ADGRL3: variants seen among roughly 807,000 people sequenced by gnomAD.
ADGRL3 encodes calcium-independent alpha-latrotoxin receptor 3.
In ADGRL3, 62 loss-of-function variants were observed where a neutral mutation model predicts 153.5. The ratio of observed to expected loss-of-function variants is 0.40; its 90% CI spans 0.33 to 0.50. ADGRL3 has a LOEUF of 0.50. Among genes scored for constraint, ADGRL3 ranks in the 20% least tolerant of loss-of-function variants. ADGRL3 has a pLI of 0.47. For missense variants in ADGRL3, 1,641 were observed against 1,859.4 expected (o/e 0.88, Z 2.16); for synonymous variants, 710 against 672.5 (o/e 1.06, Z -0.86).
At chr4:61,342,333 A>C (rs1472051840) in intron 1 of ADGRL3, among the ~76,000 whole-genome samples, 2 of 152,200 alleles carry the variant, frequency 1.3e-5, no homozygotes, top group Non-Finnish European at 2.9e-5. Flanking sequence ...TTTATAGTCT[A>C]TAAACATTGT....
intron 1 of ADGRL3, among the ~76,000 whole-genome samples, chr4:61,237,600 A>G (rs1468170191): frequency 2.0e-5 from 3 of 152,216 alleles, no homozygotes; most frequent in African/African-American, 7.2e-5. Context: ...GATAAGGACC[A>G]TAAAAGATAG....
intron 8 of ADGRL3, among the ~76,000 whole-genome samples, chr4:61,803,528 T>C (rs1286465571): frequency 6.6e-6 from 1 of 152,146 alleles, no homozygotes; most frequent in African/African-American, 2.4e-5. Flanking sequence ...TCACTCACTC[T>C]TTCTTTGCTT....
At chr4:61,412,996 T>G (rs2097105148) in intron 2 of ADGRL3, among the ~76,000 whole-genome samples, 1 of 152,218 alleles carries the variant, frequency 6.6e-6, no homozygotes, top group African/African-American at 2.4e-5. Context: ...AGTTGAAAAC[T>G]GGATGATCTG....
intron 15 of ADGRL3, among the ~76,000 whole-genome samples, chr4:61,939,960 AG>A (rs2098874805): frequency 6.6e-6 from 1 of 150,686 alleles, no homozygotes; most frequent in African/African-American, 2.4e-5. Context: ...TCTAAGTTTT[AG>A]GGTACATGTG....
intron 23 of ADGRL3, among the ~76,000 whole-genome samples, chr4:62,032,325 C>CT (rs1560530564): frequency 1.3e-5 from 2 of 151,290 alleles, no homozygotes; most frequent in African/African-American, 4.8e-5. Flanking sequence ...ATTTTTATTA[C>CT]TTTTTTTAAA....
intron 1 of ADGRL3, among the ~76,000 whole-genome samples, chr4:61,350,751 A>G (rs550291069): frequency 2.6e-5 from 4 of 152,294 alleles, no homozygotes; most frequent in South Asian, 2.1e-4. Context: ...CTGTGCCCAT[A>G]AAACACAGCA....
At chr4:61,614,084 A>G (rs958653191) in intron 5 of ADGRL3, among the ~76,000 whole-genome samples, 1 of 152,176 alleles carries the variant, frequency 6.6e-6, no homozygotes, top group Non-Finnish European at 1.5e-5. Flanking sequence ...TACAATATCT[A>G]TAGCTCAAAA....
chr4:61,289,800 A>G (rs2094101247), intron 1 of ADGRL3, among the ~76,000 whole-genome samples: 1 of 152,198 alleles, frequency 6.6e-6, no homozygotes, highest in African/African-American at 2.4e-5. Flanking sequence ...TAAAGGCAGA[A>G]TGTCTAGGCA....
intron 1 of ADGRL3, among the ~76,000 whole-genome samples, chr4:61,295,517 C>T (rs928714159): frequency 6.6e-5 from 10 of 151,946 alleles, no homozygotes; most frequent in African/African-American, 2.4e-4. Context: ...AGAGATCTAG[C>T]AAATATCAAA....
intron 17 of ADGRL3, among the ~76,000 whole-genome samples, chr4:61,970,504 C>T (rs1446962380): frequency 1.3e-5 from 2 of 151,704 alleles, no homozygotes; most frequent in African/African-American, 4.8e-5. Context: ...GCAAGAAGAT[C>T]GCCAATAACT....
At chr4:61,724,598 C>G (rs2151697377) in intron 6 of ADGRL3, among the ~76,000 whole-genome samples, 1 of 152,258 alleles carries the variant, frequency 6.6e-6, no homozygotes, top group East Asian at 1.9e-4. Flanking sequence ...TTGAGCAGCA[C>G]TTTTATTCAG....
At chr4:61,747,659 C>T (rs558311364) in intron 8 of ADGRL3, among the ~76,000 whole-genome samples, 1 of 144,122 alleles carries the variant, frequency 6.9e-6, no homozygotes, top group Non-Finnish European at 1.5e-5. Flanking sequence ...ATTCAACAAC[C>T]CTTCATGCTA....
intron 1 of ADGRL3, among the ~76,000 whole-genome samples, chr4:61,251,877 T>TA (rs1366900903): frequency 1.4e-5 from 2 of 146,750 alleles, no homozygotes; most frequent in South Asian, 2.1e-4. Flanking sequence ...CTTTTTTTTT[T>TA]TAATTTTTTT....
At chr4:61,257,836 G>GGTGTGTGTGTGT (rs10635406) in intron 1 of ADGRL3, among the ~76,000 whole-genome samples, 3 of 150,528 alleles carry the variant, frequency 2.0e-5, no homozygotes, top group Non-Finnish European at 3.0e-5. Flanking sequence ...TTGAATTAGA[G>GGTGTGTGTGTGT]GTGTGTGTGT....
chr4:61,234,879 A>G (rs970133244), intron 1 of ADGRL3, among the ~76,000 whole-genome samples: 9 of 152,272 alleles, frequency 5.9e-5, no homozygotes, highest in African/African-American at 2.2e-4. Flanking sequence ...GCAAATAAGA[A>G]TCATAGACAG....
At chr4:62,009,795 A>G (rs909248363) in intron 21 of ADGRL3, among the ~76,000 whole-genome samples, 7 of 151,986 alleles carry the variant, frequency 4.6e-5, no homozygotes, top group Non-Finnish European at 1.5e-5. Flanking sequence ...GACCGCCCCC[A>G]CTTTAGGCAG....
At chr4:61,346,692 A>C (rs933666016) in intron 1 of ADGRL3, among the ~76,000 whole-genome samples, 1 of 149,066 alleles carries the variant, frequency 6.7e-6, no homozygotes, top group African/African-American at 2.5e-5. Context: ...AGAGGACTGC[A>C]TTAGCCCAGG....
intron 2 of ADGRL3, among the ~76,000 whole-genome samples, chr4:61,447,735 C>A (rs2097602742): frequency 6.6e-6 from 1 of 152,126 alleles, no homozygotes; most frequent in Non-Finnish European, 1.5e-5. Context: ...TACAGCTTTG[C>A]CCCTTTTCTG....
chr4:61,513,929 T>A (rs539159957), intron 3 of ADGRL3, among the ~76,000 whole-genome samples: 38 of 152,178 alleles, frequency 2.5e-4, no homozygotes, highest in Non-Finnish European at 4.7e-4. Flanking sequence ...AACTGTGGCC[T>A]CTAATGGTAT....
Sources: allele counts gnomAD v4.1 joint callset (sites outside exome capture counted in the v4.1 genomes callset), GRCh38; gene constraint gnomAD v4.1.1; transcripts MANE v1.5; gene names NCBI Gene and HGNC (gene_info 2026-07-23, HGNC 2026-07-21).